The following SLC30A7 variants were observed in gnomAD, a reference collection of about 807,000 sequenced individuals.
SLC30A7 encodes zinc transporter 7.
A neutral mutation model predicts 46.0 loss-of-function variants in SLC30A7; 35 were observed. The ratio of observed to expected loss-of-function variants is 0.76; its 90% CI spans 0.58 to 1.01. The LOEUF (loss-of-function observed/expected upper bound fraction) is 1.01, where lower values mean the gene tolerates loss of function less well. SLC30A7 is among the 50% of genes least tolerant of loss of function. SLC30A7 has a pLI of 0.00. For missense variants in SLC30A7, 464 were observed against 451.1 expected (o/e 1.03, Z -0.26); for synonymous variants, 147 against 157.8 (o/e 0.93, Z 0.51).
At chr1:100,908,226 T>A (rs1441751906) in intron 3 of SLC30A7, among the ~76,000 whole-genome samples, 2 of 151,744 alleles carry the variant, frequency 1.3e-5, no homozygotes, top group Non-Finnish European at 2.9e-5. Context: ...CTGCTCCCCC[T>A]TTCTCCCTGG....
At chr1:100,936,704 A>G (rs1477094931) in intron 8 of SLC30A7, among the ~76,000 whole-genome samples, 2 of 152,174 alleles carry the variant, frequency 1.3e-5, no homozygotes, top group Non-Finnish European at 2.9e-5. Flanking sequence ...AACTCTTTTC[A>G]TGTTGCAGAA....
chr1:100,962,431 T>C (rs926697068), intron 9 of SLC30A7, among the ~76,000 whole-genome samples: 1 of 152,182 alleles, frequency 6.6e-6, no homozygotes, highest in Non-Finnish European at 1.5e-5. Context: ...TTCAAGGAAA[T>C]TGAAACCTTG....
At chr1:100,916,175 T>G (rs1287556937) in intron 6 of SLC30A7, among the ~76,000 whole-genome samples, 5 of 151,838 alleles carry the variant, frequency 3.3e-5, no homozygotes, top group Non-Finnish European at 7.4e-5. Flanking sequence ...TAGCTGTATA[T>G]TCTTATTATT....
chr1:100,919,506 C>G (rs1371546750), intron 7 of SLC30A7, among the ~76,000 whole-genome samples: 2 of 152,040 alleles, frequency 1.3e-5, no homozygotes, highest in African/African-American at 4.8e-5. Flanking sequence ...AATGTGTCTT[C>G]CAATCACAGG....
At chr1:100,969,705 G>A (rs2101097135) in intron 10 of SLC30A7, among the ~76,000 whole-genome samples, 1 of 152,310 alleles carries the variant, frequency 6.6e-6, no homozygotes, top group Admixed American at 6.5e-5. Flanking sequence ...CTAAGGTCAA[G>A]TCTACTTTAT....
At chr1:100,965,100 C>T (rs1458577559) in intron 9 of SLC30A7, among the ~76,000 whole-genome samples, 1 of 152,166 alleles carries the variant, frequency 6.6e-6, no homozygotes, top group East Asian at 1.9e-4. Context: ...GTGCATTTGG[C>T]CCAGCCTTCT....
intron 8 of SLC30A7, among the ~76,000 whole-genome samples, chr1:100,943,174 G>A (rs138097693): frequency 1.3e-5 from 2 of 152,280 alleles, no homozygotes; most frequent in Non-Finnish European, 2.9e-5. Flanking sequence ...CACTTCTGAT[G>A]CCATTTGCAA....
In SLC30A7 at chr1:100,913,678, A is replaced by T. The variant is rs755776984; in HGVS notation, c.527A>T (p.His176Leu). 5.6e-6 allele frequency: 9 copies of T among 1,613,872 alleles called. No individual in the cohort carries two copies. The African/African-American group carries it at 9.3e-5, about 17-fold the overall frequency. Residue 176 changes from histidine (H) to leucine (L), a missense_variant, in exon 6 of 11, where the codon CAT becomes CTT. Transcript: ENST00000357650. The stretch of plus-strand genomic sequence containing the variant: ...TGTTTTCTAGGCCACGGACACAGTC[A>T]TTCCCTCTTTAATGGTGCTCTAGAT... Reference protein sequence around the residue: ...HSHGSGHGHSHSLFNGALDQA... With the variant: ...HSHGSGHGHSLSLFNGALDQA...
At chr1:100,904,906 C>G (rs1262864882) in intron 2 of SLC30A7, among the ~76,000 whole-genome samples, 3 of 152,048 alleles carry the variant, frequency 2.0e-5, no homozygotes, top group African/African-American at 7.2e-5. Context: ...ACTCCTTCTC[C>G]TGTAATAGCC....
At chr1:100,955,158 C>T (rs1306137614) in intron 8 of SLC30A7, among the ~76,000 whole-genome samples, 2 of 151,912 alleles carry the variant, frequency 1.3e-5, no homozygotes, top group Admixed American at 6.5e-5. Flanking sequence ...CAGAAGTTTT[C>T]GTAATGCATA....
At chr1:100,915,188 C>CT (rs777129299) in intron 6 of SLC30A7, among the ~76,000 whole-genome samples, 32 of 123,816 alleles carry the variant, frequency 2.6e-4, no homozygotes, top group African/African-American at 9.0e-4. Context: ...CTTTTCTTTT[C>CT]TTTCTTTTCT....
At position 100,912,116 on chromosome 1, in the gene SLC30A7, C is replaced by T. The variant is rs1570516609; in HGVS notation, c.389C>T (p.Ala130Val). 6.2e-7 allele frequency: 1 copy of T among 1,613,294 alleles called. No homozygotes were observed. Among genetic ancestry groups the T allele is most frequent in the East Asian group, 2.2e-5 (1 of 44,852 alleles). ...FFIFSEGVER[A>V]LAPPDVHHER... ...TTTGTATTATGTGTTTTCTAGAGAG[C>T]ATTAGCCCCTCCAGATGTCCACCAT... is the stretch of plus-strand genomic sequence containing the variant. The change falls in exon 5 of 11, where the codon GCA (alanine) becomes GTA (valine). Residue 130 changes from alanine (A) to valine (V), a missense_variant. Coordinates refer to ENST00000357650, the MANE Select transcript of SLC30A7 (RefSeq NM_133496.5).
intron 8 of SLC30A7, among the ~76,000 whole-genome samples, chr1:100,956,451 A>T (rs1655232657): frequency 6.6e-6 from 1 of 152,214 alleles, no homozygotes; most frequent in Non-Finnish European, 1.5e-5. Context: ...ACACATAAAA[A>T]TTTGAACAAA....
chr1:100,909,849 A>G (rs1651968282), intron 3 of SLC30A7, among the ~76,000 whole-genome samples: 1 of 152,150 alleles, frequency 6.6e-6, no homozygotes, highest in African/African-American at 2.4e-5. Flanking sequence ...ACAAGGGTAG[A>G]TTAAAAGAAA....
chr1:100,950,030 A>G (rs1001574304), intron 8 of SLC30A7, among the ~76,000 whole-genome samples: 3 of 152,174 alleles, frequency 2.0e-5, no homozygotes, highest in Non-Finnish European at 4.4e-5. Flanking sequence ...CCACTGTCCA[A>G]CCAGGCCCTG....
chr1:100,917,198 TATCTCTTA>T lies in SLC30A7; in HGVS notation c.656-878_656-871del, dbSNP rs372348695. On this transcript the variant is annotated intron_variant, in intron 6 of 10. Coordinates refer to ENST00000357650, the MANE Select transcript of SLC30A7 (RefSeq NM_133496.5). ...CCCAAAATAATGTTGAAAAACTGCA[TATCTCTTA>T]CACTTTTGGCTATCAGCTGGATTTT... Among the ~76,000 whole-genome samples the T allele has an allele frequency of 5.5e-3, 839 of 152,330 alleles. 2 individuals are homozygous for T. The highest frequency in any genetic ancestry group is 0.02 in the African/African-American group (816 of 41,574).
Position 100,977,014 on chromosome 1 carries a change from A to G in SLC30A7, c.*2157A>G, listed in dbSNP as rs1656563895. 2.6e-5 allele frequency: 4 copies of G among 152,172 alleles called. No individual in the cohort carries two copies. In the South Asian group the frequency reaches 8.3e-4, roughly 32 times the overall value. The allele number at this position is 152,172 out of a possible 1,614,324, so 9.4% of individuals were successfully genotyped here. On this transcript the variant is annotated 3_prime_UTR_variant, in exon 11 of 11. Coordinates refer to ENST00000357650, the MANE Select transcript of SLC30A7 (RefSeq NM_133496.5). ...GGTTTTTCTACAAATATAAGTAGTC[A>G]TTAGAAGTTTGCAACCACCACCAAG...
chr1:100,965,674 T>C, intron 9 of SLC30A7, 95 bp from the exon 10 acceptor site: 1 of 1,005,728 alleles, frequency 9.9e-7, no homozygotes, highest in Non-Finnish European at 1.5e-6. Flanking sequence ...AAATGGACGA[T>C]AGAATCCATG....
At chr1:100,967,066 T>A (rs1005105917) in intron 10 of SLC30A7, among the ~76,000 whole-genome samples, 1 of 152,218 alleles carries the variant, frequency 6.6e-6, no homozygotes, top group East Asian at 1.9e-4. Context: ...GTATTGTGTA[T>A]ATATTGGGAG....
Sources: gnomAD v4.1 joint callset for allele counts (sites outside exome capture counted in the v4.1 genomes callset) on GRCh38, gnomAD v4.1.1 for gene constraint, MANE v1.5 for transcripts, NCBI Gene and HGNC (gene_info 2026-07-23, HGNC 2026-07-21) for gene names.